The following C8orf34 variants were observed in gnomAD, a reference collection of about 807,000 sequenced individuals.
The protein encoded by C8orf34 is chromosome 8 open reading frame 34.
C8orf34 carries 65 observed loss-of-function variants against 68.3 expected under a neutral mutation model. The ratio of observed to expected loss-of-function variants is 0.95; its 90% CI spans 0.78 to 1.17. The LOEUF is 1.17. Ranked by LOEUF, C8orf34 falls within the 50% of genes most tolerant of loss-of-function variation. C8orf34 has a pLI of 0.00. For missense variants in C8orf34, 664 were observed against 655.4 expected, an observed-to-expected ratio of 1.01 and a Z score of -0.14; for synonymous variants, 244 against 241.2, an observed-to-expected ratio of 1.01 and a Z score of -0.11.
At chr8:68,804,601 C>T (rs544215745) in intron 12 of C8orf34, among the ~76,000 whole-genome samples, 23 of 151,940 alleles carry the variant, frequency 1.5e-4, no homozygotes, top group Non-Finnish European at 2.8e-4. Flanking sequence ...GGCAACATGG[C>T]GAAACCCCAT....
intron 3 of C8orf34, among the ~76,000 whole-genome samples, chr8:68,465,151 G>A (rs576662100): frequency 1.8e-4 from 28 of 152,104 alleles, no homozygotes; most frequent in Middle Eastern, 3.2e-3. Context: ...GACATGAACC[G>A]ACACGTCACA....
chr8:68,713,113 C>A (rs749685645), intron 9 of C8orf34, among the ~76,000 whole-genome samples: 1 of 152,074 alleles, frequency 6.6e-6, no homozygotes, highest in African/African-American at 2.4e-5. Flanking sequence ...TTAAAAAGTT[C>A]TTTGAACTGA....
intron 7 of C8orf34, among the ~76,000 whole-genome samples, chr8:68,618,393 C>T (rs1485010717): frequency 6.6e-6 from 1 of 152,056 alleles, no homozygotes; most frequent in Non-Finnish European, 1.5e-5. Flanking sequence ...TCTCTGTCAC[C>T]CAGGCTGGAG....
chr8:68,474,480 A>T (rs1812516993), intron 4 of C8orf34, among the ~76,000 whole-genome samples: 1 of 152,036 alleles, frequency 6.6e-6, no homozygotes, highest in South Asian at 2.1e-4. Flanking sequence ...CTCTGACCAG[A>T]TTATTGGTTT....
chr8:68,666,153 G>T (rs187117944), intron 8 of C8orf34, among the ~76,000 whole-genome samples: 1 of 152,154 alleles, frequency 6.6e-6, no homozygotes, highest in Non-Finnish European at 1.5e-5. Flanking sequence ...CAAGCTGTAA[G>T]TAGCAGGGGG....
At chr8:68,625,810 A>G (rs896042850) in intron 7 of C8orf34, among the ~76,000 whole-genome samples, 9 of 152,176 alleles carry the variant, frequency 5.9e-5, no homozygotes, top group African/African-American at 1.2e-4. Context: ...AATTTATTCC[A>G]AAGTGCTGAG....
intron 3 of C8orf34, among the ~76,000 whole-genome samples, chr8:68,460,669 A>G (rs980446775): frequency 3.3e-5 from 5 of 152,210 alleles, no homozygotes; most frequent in African/African-American, 9.7e-5. Context: ...GACTGCTGAT[A>G]CCCAGGCAAA....
intron 10 of C8orf34, among the ~76,000 whole-genome samples, chr8:68,763,210 A>G (rs571087997): frequency 6.6e-6 from 1 of 152,370 alleles, no homozygotes; most frequent in East Asian, 1.9e-4. Flanking sequence ...GGTTTAGACA[A>G]TGGTATAATC....
chr8:68,535,573 GT>G (rs1323921048), intron 7 of C8orf34: 1 of 807,656 alleles, frequency 1.2e-6, no homozygotes, highest in Non-Finnish European at 1.5e-6. Context: ...CTCTTGTTTT[GT>G]TTATTAAGGA....
In C8orf34 at chr8:68,347,723, C is replaced by CT. The variant is rs1005203665; in HGVS notation, c.327+16393dup. On this transcript the variant is annotated intron_variant, in intron 1 of 13. Transcript: ENST00000518698. ...TTATCTAATGATCAGTGATGTTGAG[C>CT]TTTTTTTTTCATACATGTGTTGGCC... 2.4e-3 allele frequency among the ~76,000 whole-genome samples: 369 copies of CT among 151,242 alleles called. 2 individuals carry two copies. The highest frequency in any genetic ancestry group is 2.5e-3 in the Non-Finnish European group (169 of 67,702).
intron 8 of C8orf34, among the ~76,000 whole-genome samples, chr8:68,693,909 G>A (rs1820754090): frequency 6.6e-6 from 1 of 152,060 alleles, no homozygotes; most frequent in African/African-American, 2.4e-5. Context: ...AATTAAGAAT[G>A]AGGTGCAAAC....
At chr8:68,425,148 C>T (rs867750276) in intron 1 of C8orf34, among the ~76,000 whole-genome samples, 20 of 152,176 alleles carry the variant, frequency 1.3e-4, no homozygotes, top group African/African-American at 4.3e-4. Context: ...CTCATAAATG[C>T]ATCTACAGAA....
At chr8:68,612,972 A>G (rs1385399495) in intron 7 of C8orf34, among the ~76,000 whole-genome samples, 1 of 152,174 alleles carries the variant, frequency 6.6e-6, no homozygotes, top group Admixed American at 6.6e-5. Flanking sequence ...CCAGTCGAGA[A>G]TTGGCTGGCT....
intron 1 of C8orf34, among the ~76,000 whole-genome samples, chr8:68,382,604 C>G (rs1808089673): frequency 6.6e-6 from 1 of 152,144 alleles, no homozygotes; most frequent in Non-Finnish European, 1.5e-5. Flanking sequence ...CTATTCCACA[C>G]AGTAAGATGC....
At chr8:68,779,180 A>AAC (rs10550333) in intron 11 of C8orf34, among the ~76,000 whole-genome samples, 3,716 of 139,158 alleles carry the variant, frequency 0.027, 60 homozygotes, top group South Asian at 0.047. Flanking sequence ...CTGTCTCTGA[A>AAC]ACACACACAC....
At chr8:68,391,560 A>G (rs987669066) in intron 1 of C8orf34, among the ~76,000 whole-genome samples, 3 of 152,154 alleles carry the variant, frequency 2.0e-5, no homozygotes, top group Admixed American at 6.5e-5. Context: ...CTAATTATTT[A>G]TCTTCTTTCC....
intron 6 of C8orf34, among the ~76,000 whole-genome samples, chr8:68,531,745 C>A (rs1185872170): frequency 1.3e-5 from 2 of 151,838 alleles, no homozygotes; most frequent in East Asian, 3.9e-4. Context: ...CTCATACATA[C>A]CCCTATAAAC....
intron 1 of C8orf34, among the ~76,000 whole-genome samples, chr8:68,340,558 A>T (rs1255448845): frequency 6.6e-6 from 1 of 152,184 alleles, no homozygotes; most frequent in African/African-American, 2.4e-5. Context: ...GGATGACTCT[A>T]TGCACATAAT....
chr8:68,735,637 T>A (rs1192357015), intron 10 of C8orf34, among the ~76,000 whole-genome samples: 2 of 152,112 alleles, frequency 1.3e-5, no homozygotes, highest in Admixed American at 6.6e-5. Context: ...CAGTTATAAC[T>A]TTTTATACTT....
Sources: gnomAD v4.1 joint callset for allele counts (sites outside exome capture counted in the v4.1 genomes callset) on GRCh38, gnomAD v4.1.1 for gene constraint, MANE v1.5 for transcripts, NCBI Gene and HGNC (gene_info 2026-07-23, HGNC 2026-07-21) for gene names.